PCDH15: variants seen among roughly 807,000 people sequenced by gnomAD.
The protein encoded by PCDH15 is protocadherin-15.
In PCDH15, 129 loss-of-function variants were observed where a neutral mutation model predicts 178.5. The ratio of observed to expected loss-of-function variants is 0.72; its 90% CI spans 0.63 to 0.84. The LOEUF is 0.84. Among genes scored for constraint, PCDH15 ranks in the 40% least tolerant of loss-of-function variants. The probability of loss-of-function intolerance (pLI) is 0.00; values close to 1 mark genes in which losing one functional copy is unlikely to be tolerated. For synonymous variants in PCDH15, 800 were observed against 732.0 expected (o/e 1.09, Z -1.50); for missense variants, 2,230 against 2,099.9 (o/e 1.06, Z -1.21).
chr10:54,999,631 A>T (rs1839746527), intron 2 of PCDH15, among the ~76,000 whole-genome samples: 1 of 152,156 alleles, frequency 6.6e-6, no homozygotes, highest in Non-Finnish European at 1.5e-5. Flanking sequence ...GGTGGGAGCC[A>T]GGAACAGGTG....
chr10:54,809,684 A>T (rs547248789), intron 3 of PCDH15, among the ~76,000 whole-genome samples: 1 of 152,250 alleles, frequency 6.6e-6, no homozygotes, highest in African/African-American at 2.4e-5. Context: ...GCAAAGCTGT[A>T]GGGATTGGTA....
At chr10:55,506,645 CT>C (rs1419342170) in intron 2 of PCDH15, among the ~76,000 whole-genome samples, 2 of 151,506 alleles carry the variant, frequency 1.3e-5, no homozygotes, top group Non-Finnish European at 3.0e-5. Flanking sequence ...AAACTCGACA[CT>C]TTATTCAAGG....
chr10:55,470,419 T>A (rs1316729675), intron 2 of PCDH15, among the ~76,000 whole-genome samples: 1 of 152,184 alleles, frequency 6.6e-6, no homozygotes, highest in Non-Finnish European at 1.5e-5. Context: ...GCTTGATAAA[T>A]GAACAGAAAT....
intron 7 of PCDH15, among the ~76,000 whole-genome samples, chr10:54,322,702 C>T (rs933792515): frequency 6.6e-6 from 1 of 151,974 alleles, no homozygotes; most frequent in Admixed American, 6.6e-5. Context: ...ACCAGACATA[C>T]AAAAATTGAC....
intron 1 of PCDH15, among the ~76,000 whole-genome samples, chr10:54,720,599 A>G (rs1941430101): frequency 6.6e-6 from 1 of 152,088 alleles, no homozygotes; most frequent in Non-Finnish European, 1.5e-5. Flanking sequence ...TTCCAAGACA[A>G]ACGAAAGGAA....
chr10:54,518,896 G>C (rs559780601), intron 3 of PCDH15, among the ~76,000 whole-genome samples: 7 of 152,252 alleles, frequency 4.6e-5, no homozygotes, highest in Admixed American at 4.6e-4. Flanking sequence ...GGGATGCAAG[G>C]CTGGTTCAAT....
intron 1 of PCDH15, among the ~76,000 whole-genome samples, chr10:55,292,686 C>T (rs7906836): frequency 0.014 from 2,097 of 152,260 alleles, 50 homozygotes; most frequent in African/African-American, 0.048. Context: ...CCGTCCCAGG[C>T]AGTCAAACCT....
chr10:53,849,860 C>CA (rs58458871), intron 28 of PCDH15, among the ~76,000 whole-genome samples: 2,924 of 52,390 alleles, frequency 0.056, 175 homozygotes, highest in Non-Finnish European at 0.083. Flanking sequence ...GGCTCCGTCT[C>CA]AAAAAAAAAA....
intron 3 of PCDH15, among the ~76,000 whole-genome samples, chr10:54,444,249 C>G (rs566551070): frequency 1.3e-5 from 2 of 151,690 alleles, no homozygotes; most frequent in African/African-American, 4.8e-5. Flanking sequence ...ACATCATAAC[C>G]ATTATGCATC....
At position 54,743,693 on chromosome 10, in the gene PCDH15, T is replaced by G. The variant is rs570056741; in HGVS notation, c.-29+57232A>C. ...TAGTTTCCAACATAATATAGAGGCA[T>G]AGTAGCATCCTTAACATGACATACA... On this transcript the variant is annotated intron_variant, in intron 1 of 37. Transcript: ENST00000644397. Among the ~76,000 whole-genome samples the G allele has an allele frequency of 1.0e-3, 152 of 152,156 alleles. 1 individual carries two copies. The highest frequency in any genetic ancestry group is 3.5e-3 in the African/African-American group (147 of 41,544).
At chr10:54,419,313 G>A (rs1374371425) in intron 3 of PCDH15, among the ~76,000 whole-genome samples, 4 of 151,730 alleles carry the variant, frequency 2.6e-5, no homozygotes, top group Non-Finnish European at 5.9e-5. Context: ...TTCATAAGCA[G>A]TATTTTGTCC....
chr10:53,847,972 T>G (rs2132878604), intron 28 of PCDH15, among the ~76,000 whole-genome samples: 1 of 152,216 alleles, frequency 6.6e-6, no homozygotes, highest in South Asian at 2.1e-4. Context: ...ATCTAAAATA[T>G]AATTTATGAC....
chr10:55,263,419 C>T (rs1340257529), intron 1 of PCDH15, among the ~76,000 whole-genome samples: 1 of 152,174 alleles, frequency 6.6e-6, no homozygotes, highest in Non-Finnish European at 1.5e-5. Flanking sequence ...GCCTCCACCC[C>T]AACAGCCGCA....
chr10:53,905,963 A>ATT (rs1325902905), intron 25 of PCDH15, among the ~76,000 whole-genome samples: 1 of 152,104 alleles, frequency 6.6e-6, no homozygotes, highest in African/African-American at 2.4e-5. Context: ...TCTCAAGAAC[A>ATT]TTGTTTAGAC....
chr10:54,094,160 A>G (rs2094654102), intron 15 of PCDH15, among the ~76,000 whole-genome samples: 1 of 152,108 alleles, frequency 6.6e-6, no homozygotes, highest in Non-Finnish European at 1.5e-5. Context: ...TCACTCATTA[A>G]TTCAACAAAT....
intron 21 of PCDH15, among the ~76,000 whole-genome samples, chr10:53,989,230 A>G (rs2091308567): frequency 6.6e-6 from 1 of 152,080 alleles, no homozygotes. Flanking sequence ...TCCAGGCTAG[A>G]TTTTAGTTTT....
chr10:54,246,209 TCA>T (rs576376315), intron 8 of PCDH15, among the ~76,000 whole-genome samples: 1 of 151,936 alleles, frequency 6.6e-6, no homozygotes, highest in African/African-American at 2.4e-5. Flanking sequence ...AATCATTAGA[TCA>T]CAGTCTGACA....
chr10:54,415,109 A>G (rs1315578410), intron 3 of PCDH15, among the ~76,000 whole-genome samples: 3 of 152,122 alleles, frequency 2.0e-5, no homozygotes, highest in African/African-American at 4.8e-5. Flanking sequence ...TTTAAAATCT[A>G]TACCTCTAAA....
At chr10:55,345,040 A>T (rs908212950) in intron 2 of PCDH15, among the ~76,000 whole-genome samples, 1 of 151,998 alleles carries the variant, frequency 6.6e-6, no homozygotes, top group African/African-American at 2.4e-5. Context: ...AAATCTCAGA[A>T]TAGAGATTAT....
Sources: allele counts gnomAD v4.1 joint callset (sites outside exome capture counted in the v4.1 genomes callset), GRCh38; gene constraint gnomAD v4.1.1; transcripts MANE v1.5; gene names NCBI Gene and HGNC (gene_info 2026-07-23, HGNC 2026-07-21).